The following STK3 variants were observed in gnomAD, a reference collection of about 807,000 sequenced individuals.
STK3 encodes serine/threonine kinase 3, also known as serine/threonine-protein kinase 3.
In STK3, 41 loss-of-function variants were observed where a neutral mutation model predicts 58.0. That is an observed-to-expected ratio of 0.71 (90% CI 0.55 to 0.92). The LOEUF (loss-of-function observed/expected upper bound fraction) is 0.92, where lower values mean the gene tolerates loss of function less well. Among genes scored for constraint, STK3 ranks in the 40% least tolerant of loss-of-function variants. The pLI is 0.00. For missense variants in STK3, 479 were observed against 602.7 expected, an observed-to-expected ratio of 0.79 and a Z score of 2.15; for synonymous variants, 170 against 191.0, an observed-to-expected ratio of 0.89 and a Z score of 0.91.
chr8:98,630,670 G>GAGAAGGAGAAGGAGAAGGAGA (rs1266768226), intron 6 of STK3, among the ~76,000 whole-genome samples: 24 of 147,402 alleles, frequency 1.6e-4, no homozygotes, highest in African/African-American at 6.2e-4. Context: ...GAAGGAGAAG[G>GAGAAGGAGAAGGAGAAGGAGA]AGGAGAAGGA....
chr8:98,593,216 T>C (rs1815487886), intron 7 of STK3, among the ~76,000 whole-genome samples: 1 of 152,222 alleles, frequency 6.6e-6, no homozygotes, highest in South Asian at 2.1e-4. Context: ...AATTTCAATT[T>C]AATAATCTCA....
intron 1 of STK3, among the ~76,000 whole-genome samples, chr8:98,792,223 T>C (rs1472078009): frequency 2.0e-5 from 3 of 152,152 alleles, no homozygotes; most frequent in East Asian, 3.8e-4. Flanking sequence ...ACATCACTAA[T>C]AGATCAAGAA....
intron 10 of STK3, among the ~76,000 whole-genome samples, chr8:98,477,825 G>A (rs1271114802): frequency 2.7e-5 from 4 of 149,510 alleles, no homozygotes; most frequent in Admixed American, 6.9e-5. Context: ...ACTAATGAAC[G>A]TTTGGTGGGG....
intron 3 of STK3, among the ~76,000 whole-genome samples, chr8:98,839,560 C>T (rs1481579607): frequency 6.6e-6 from 1 of 152,190 alleles, no homozygotes; most frequent in Non-Finnish European, 1.5e-5. Flanking sequence ...AATATCCATC[C>T]CCATTACAAT....
At chr8:98,661,859 A>G (rs968849498) in intron 6 of STK3, among the ~76,000 whole-genome samples, 1 of 152,046 alleles carries the variant, frequency 6.6e-6, no homozygotes, top group African/African-American at 2.4e-5. Flanking sequence ...TTTAGTCTTC[A>G]GGACTCAGTG....
intron 1 of STK3, among the ~76,000 whole-genome samples, chr8:98,903,757 C>T (rs78587333): frequency 0.01 from 1,557 of 152,004 alleles, 17 homozygotes; most frequent in South Asian, 0.028. Flanking sequence ...TTATAAAGTC[C>T]TCATCAAATA....
At chr8:98,533,512 G>T (rs946740069) in intron 9 of STK3, among the ~76,000 whole-genome samples, 1 of 152,082 alleles carries the variant, frequency 6.6e-6, no homozygotes, top group Non-Finnish European at 1.5e-5. Flanking sequence ...GCCTGACAGG[G>T]TCTCTCCTTC....
At chr8:98,939,864 C>G (rs1011208989) in intron 1 of STK3, among the ~76,000 whole-genome samples, 4 of 152,234 alleles carry the variant, frequency 2.6e-5, no homozygotes, top group East Asian at 1.9e-4. Context: ...CAGAGGGGCC[C>G]GGTGCGGAGA....
At chr8:98,443,938 T>A (rs1818794357) in intron 1 of STK3, among the ~76,000 whole-genome samples, 2 of 152,128 alleles carry the variant, frequency 1.3e-5, no homozygotes, top group Non-Finnish European at 2.9e-5. Flanking sequence ...AATAAGTAAA[T>A]AAATAAATAA....
chr8:98,436,630 GCATTGCGCACAGT>G (rs1257238446), intron 2 of STK3: 1 of 152,224 alleles, frequency 6.6e-6, no homozygotes, highest in Non-Finnish European at 1.5e-5. Flanking sequence ...AATCCAAAGG[GCATTGCGCACAGT>G]CATAAGCAGT....
intron 10 of STK3, among the ~76,000 whole-genome samples, chr8:98,475,062 G>A (rs1821207407): frequency 6.6e-6 from 1 of 152,170 alleles, no homozygotes; most frequent in East Asian, 1.9e-4. Flanking sequence ...TCAGAAAAAT[G>A]AGTCAATATT....
chr8:98,682,106 T>C (rs545000909), intron 6 of STK3, among the ~76,000 whole-genome samples: 9 of 152,348 alleles, frequency 5.9e-5, no homozygotes, highest in African/African-American at 2.2e-4. Flanking sequence ...ATCAATTGTA[T>C]GTCATAAGTA....
rs555629870 is a variant in STK3, at chr8:98,652,425, A to T, written c.684+54042T>A. Among the ~76,000 whole-genome samples the T allele has an allele frequency of 6.8e-3, 1,039 of 152,268 alleles. 8 individuals are homozygous for T. Among genetic ancestry groups the T allele is most frequent in the African/African-American group, 0.023 (975 of 41,546 alleles). ...ATGCTAGGAAGAAACTGCATCAACT[A>T]ACGAGCAAAATAACCAGCTAACATC... On this transcript the variant is annotated intron_variant, in intron 6 of 10. Transcript: ENST00000419617.
At chr8:98,510,746 C>A (rs1824452162) in intron 10 of STK3, among the ~76,000 whole-genome samples, 1 of 152,062 alleles carries the variant, frequency 6.6e-6, no homozygotes, top group South Asian at 2.1e-4. Flanking sequence ...TTCAATTTTG[C>A]AAGCATTTGA....
chr8:98,629,955 G>T (rs1027752813), intron 6 of STK3, among the ~76,000 whole-genome samples: 4 of 152,186 alleles, frequency 2.6e-5, no homozygotes, highest in African/African-American at 9.6e-5. Context: ...CCAGGGCCAG[G>T]TATCAAACAA....
At chr8:98,849,522 C>A (rs1195855707) in intron 3 of STK3, among the ~76,000 whole-genome samples, 1 of 152,156 alleles carries the variant, frequency 6.6e-6, no homozygotes, top group Admixed American at 6.6e-5. Flanking sequence ...GCAAGTAAAC[C>A]AAACAGTTAG....
chr8:98,869,115 C>T (rs974982477), intron 3 of STK3, among the ~76,000 whole-genome samples: 1 of 150,966 alleles, frequency 6.6e-6, no homozygotes, highest in African/African-American at 2.5e-5. Flanking sequence ...GAAAAGGAGT[C>T]TTTGTTGATA....
chr8:98,693,432 G>A (rs575065789), intron 6 of STK3, among the ~76,000 whole-genome samples: 1 of 152,220 alleles, frequency 6.6e-6, no homozygotes, highest in Admixed American at 6.5e-5. Flanking sequence ...GACACTCAGA[G>A]GAAAATGCAA....
intron 1 of STK3, 59 bp from the exon 2 acceptor site, chr8:98,774,878 T>C (rs1831566544): frequency 8.0e-7 from 1 of 1,256,100 alleles, no homozygotes; most frequent in East Asian, 2.7e-5. Context: ...TTACAAAATT[T>C]TTAATTTTTA....
Sources: gnomAD v4.1 joint callset for allele counts (sites outside exome capture counted in the v4.1 genomes callset) on GRCh38, gnomAD v4.1.1 for gene constraint, MANE v1.5 for transcripts, NCBI Gene and HGNC (gene_info 2026-07-23, HGNC 2026-07-21) for gene names.